The following CASQ2 variants were observed in gnomAD, a reference collection of about 807,000 sequenced individuals.
CASQ2 encodes the protein calsequestrin 2.
Under a neutral mutation model 46.5 loss-of-function variants are expected in CASQ2, and 49 were observed. The observed-to-expected ratio is 1.05, with a 90% CI of 0.84 to 1.34. The LOEUF (loss-of-function observed/expected upper bound fraction) is 1.34. CASQ2 is among the 40% of genes most tolerant of loss of function. CASQ2 has a pLI of 0.00. For synonymous variants in CASQ2, 174 were observed against 168.5 expected (o/e 1.03, Z -0.25); for missense variants, 486 against 481.3 (o/e 1.01, Z -0.09).
In CASQ2 at chr1:115,726,976, A is replaced by C. The variant is rs561394541; in HGVS notation, c.737+16T>G. 7.4e-6 allele frequency: 11 copies of C among 1,494,052 alleles called. No individual in the cohort carries two copies. The highest frequency in any genetic ancestry group is 2.5e-5 in the East Asian group (1 of 40,222). 92.5% of individuals were successfully genotyped at this position (1,494,052 alleles called of 1,614,324 possible). ...CAGACCCCAGGCCCCCAGCCCCCAC[A>C]TGCCATCTCAGGCACCTTTGGTGTT... On this transcript the variant is annotated intron_variant, in intron 6 of 10. Transcript: ENST00000261448.
chr1:115,759,461 G>T (rs1648868642), intron 1 of CASQ2, among the ~76,000 whole-genome samples: 1 of 152,024 alleles, frequency 6.6e-6, no homozygotes, highest in Non-Finnish European at 1.5e-5. Context: ...CTCCTCTATT[G>T]CTTTCTGCTT....
intron 5 of CASQ2, among the ~76,000 whole-genome samples, chr1:115,727,755 G>T (rs1647643993): frequency 6.6e-6 from 1 of 152,148 alleles, no homozygotes; most frequent in African/African-American, 2.4e-5. Flanking sequence ...GGGTGGAAGG[G>T]CTCCCTGGGA....
At chr1:115,703,275 C>A (rs1654267716) in intron 9 of CASQ2, among the ~76,000 whole-genome samples, 1 of 152,206 alleles carries the variant, frequency 6.6e-6, no homozygotes, top group East Asian at 1.9e-4. Context: ...TTACTTGTGG[C>A]TGTTTTATAG....
chr1:115,727,144 C>A (rs1051208569), intron 5 of CASQ2, 22 bp from the exon 6 acceptor site: 1 of 1,580,406 alleles, frequency 6.3e-7, no homozygotes, highest in Non-Finnish European at 8.7e-7. Flanking sequence ...AGAAATAAGA[C>A]AAAGTTTATT....
chr1:115,704,261 C>T lies in CASQ2; in HGVS notation c.939+931G>A, dbSNP rs75104882. On this transcript the variant is annotated intron_variant, in intron 9 of 10. Coordinates refer to ENST00000261448, the MANE Select transcript of CASQ2 (RefSeq NM_001232.4). ...TGGAAGATAAAGTCATCATTCATAA[C>T]CTAATGATAACTAAACTTGTACTGA... Among the ~76,000 whole-genome samples the T allele has an allele frequency of 6.5e-3, 995 of 152,290 alleles. 12 individuals are homozygous for T. Among genetic ancestry groups the T allele is most frequent in the African/African-American group, 0.021 (891 of 41,554 alleles).
intron 8 of CASQ2, among the ~76,000 whole-genome samples, chr1:115,711,539 T>A (rs921700525): frequency 1.3e-5 from 2 of 151,732 alleles, no homozygotes; most frequent in South Asian, 2.1e-4. Context: ...AAAGACTTTG[T>A]CTGTCTTCTT....
At chr1:115,722,257 C>T (rs766921021) in intron 7 of CASQ2, among the ~76,000 whole-genome samples, 2 of 152,134 alleles carry the variant, frequency 1.3e-5, no homozygotes, top group Non-Finnish European at 1.5e-5. Context: ...TGCTCTCTTC[C>T]CCAAGTTAAG....
chr1:115,742,306 C>T (rs1485660373), intron 2 of CASQ2, among the ~76,000 whole-genome samples: 2 of 152,030 alleles, frequency 1.3e-5, no homozygotes, highest in East Asian at 3.9e-4. Context: ...TCAATGATGG[C>T]CAATCTCAAA....
intron 4 of CASQ2, among the ~76,000 whole-genome samples, chr1:115,734,563 G>C (rs972833096): frequency 2.0e-5 from 3 of 152,130 alleles, no homozygotes; most frequent in Non-Finnish European, 4.4e-5. Context: ...CTTGTCTTCT[G>C]CTCTGTTGGA....
rs568765449 is a variant in CASQ2 at position 115,752,197 on chromosome 1, T to C, written c.235-7285A>G. ...TGTCAGTTCCTCAAAAGGCATTCCC[T>C]GACTCCCAATCTCAATTTTTCCCTT... is the stretch of plus-strand genomic sequence containing the variant. On this transcript the variant is annotated intron_variant, in intron 1 of 10. Coordinates refer to ENST00000261448, the MANE Select transcript of CASQ2 (RefSeq NM_001232.4). Among the ~76,000 whole-genome samples the C allele has an allele frequency of 9.2e-5, 14 of 152,332 alleles. 1 individual carries two copies. Among genetic ancestry groups the C allele is most frequent in the East Asian group, 7.7e-4 (4 of 5,174 alleles).
chr1:115,763,454 G>C (rs1649029387), intron 1 of CASQ2, among the ~76,000 whole-genome samples: 1 of 152,108 alleles, frequency 6.6e-6, no homozygotes, highest in South Asian at 2.1e-4. Context: ...AAGAGGAGGA[G>C]CAAATCAAAC....
chr1:115,720,498 G>C (rs1647331486), intron 7 of CASQ2, among the ~76,000 whole-genome samples: 2 of 152,170 alleles, frequency 1.3e-5, no homozygotes, highest in Admixed American at 6.5e-5. Flanking sequence ...CACAGAACCT[G>C]TACTCTTTCT....
At chr1:115,729,148 C>T (rs375861858) in intron 5 of CASQ2, among the ~76,000 whole-genome samples, 7 of 141,014 alleles carry the variant, frequency 5.0e-5, no homozygotes, top group Admixed American at 7.9e-5. Context: ...TTCCCAGGTT[C>T]GAGCGATTCT....
intron 8 of CASQ2, among the ~76,000 whole-genome samples, chr1:115,716,283 A>G (rs1654698100): frequency 6.6e-6 from 1 of 152,232 alleles, no homozygotes; most frequent in Admixed American, 6.5e-5. Flanking sequence ...AAAGAGTGAA[A>G]CCAGAGAAAA....
intron 9 of CASQ2, among the ~76,000 whole-genome samples, chr1:115,703,221 G>C (rs984521110): frequency 6.6e-6 from 1 of 152,236 alleles, no homozygotes; most frequent in Non-Finnish European, 1.5e-5. Context: ...GTCTGCAGCT[G>C]TAAGAGAGAA....
chr1:115,752,056 A>G (rs1179681140), intron 1 of CASQ2, among the ~76,000 whole-genome samples: 1 of 152,170 alleles, frequency 6.6e-6, no homozygotes, highest in African/African-American at 2.4e-5. Flanking sequence ...CCTTGTTCTA[A>G]TTCACACAAA....
chr1:115,736,644 A>T (rs1179234919), intron 4 of CASQ2, among the ~76,000 whole-genome samples: 1 of 152,206 alleles, frequency 6.6e-6, no homozygotes, highest in African/African-American at 2.4e-5. Context: ...CTCAAAAAAA[A>T]GCTATATTCT....
At chr1:115,703,911 C>CAAA (rs11325357) in intron 9 of CASQ2, among the ~76,000 whole-genome samples, 1 of 117,932 alleles carries the variant, frequency 8.5e-6, no homozygotes, top group African/African-American at 2.9e-5. Context: ...GACCCTGTCT[C>CAAA]AAAAAAAAAA....
chr1:115,751,198 A>T (rs1648567856), intron 1 of CASQ2, among the ~76,000 whole-genome samples: 1 of 152,260 alleles, frequency 6.6e-6, no homozygotes, highest in Admixed American at 6.5e-5. Flanking sequence ...TCTTAATATT[A>T]TGACAGCTGG....
Sources: gnomAD v4.1 joint callset for allele counts (sites outside exome capture counted in the v4.1 genomes callset) on GRCh38, gnomAD v4.1.1 for gene constraint, MANE v1.5 for transcripts, NCBI Gene and HGNC (gene_info 2026-07-23, HGNC 2026-07-21) for gene names.